SLC16A12: variants seen among roughly 807,000 people sequenced by gnomAD.
SLC16A12 encodes the protein monocarboxylate transporter 12.
SLC16A12 carries 17 observed loss-of-function variants against 42.4 expected under a neutral mutation model. The observed-to-expected ratio is 0.40, with a 90% confidence interval of 0.27 to 0.60. The LOEUF is 0.60. Ranked by LOEUF, SLC16A12 falls within the 20% of genes least tolerant of loss-of-function variation. SLC16A12 has a pLI of 0.42. For synonymous variants in SLC16A12, 224 were observed against 229.4 expected (o/e 0.98, Z 0.21); for missense variants, 544 against 623.0 (o/e 0.87, Z 1.35).
At chr10:89,522,310 T>G (rs111810572) in intron 2 of SLC16A12, among the ~76,000 whole-genome samples, 26 of 152,260 alleles carry the variant, frequency 1.7e-4, no homozygotes, top group African/African-American at 6.3e-4. Flanking sequence ...AGCCCTTGGG[T>G]CCTTTGCTGC....
In SLC16A12 at chr10:89,432,472, GA is replaced by G. The variant is rs11314848; in HGVS notation, c.*591del. 41,382 of 149,312 alleles carry G rather than the reference GA, an allele frequency of 0.28. 5,917 individuals are homozygous for G. Among genetic ancestry groups the G allele is most frequent in the African/African-American group, 0.33 (13,336 of 40,728 alleles). The allele number at this position is 149,312 out of a possible 1,614,324, so 9.2% of individuals were successfully genotyped here. ...GCAAGGGCTGGCTGGAAGACTAAGA[GA>G]AAAAAAAAATAAGAGTTTCTTTCTA... On this transcript the variant is annotated 3_prime_UTR_variant, in exon 8 of 8. Transcript: ENST00000371790.
chr10:89,532,378 C>T (rs1843569146), intron 2 of SLC16A12, among the ~76,000 whole-genome samples: 1 of 152,174 alleles, frequency 6.6e-6, no homozygotes, highest in African/African-American at 2.4e-5. Flanking sequence ...CACCTTCAAA[C>T]AGGACATTGT....
At chr10:89,503,872 G>A (rs1397363162) in intron 2 of SLC16A12, among the ~76,000 whole-genome samples, 3 of 152,212 alleles carry the variant, frequency 2.0e-5, no homozygotes, top group Non-Finnish European at 4.4e-5. Context: ...ATCACCAGAG[G>A]CTGGAAGTGA....
intron 2 of SLC16A12, among the ~76,000 whole-genome samples, chr10:89,513,883 T>C (rs1288861039): frequency 6.6e-6 from 1 of 152,084 alleles, no homozygotes. Context: ...GAGGCATATA[T>C]GGGAAAAAAG....
At chr10:89,448,715 C>T (rs1018885667) in intron 3 of SLC16A12, among the ~76,000 whole-genome samples, 2 of 152,168 alleles carry the variant, frequency 1.3e-5, no homozygotes, top group African/African-American at 4.8e-5. Context: ...GACGCCCTCT[C>T]TCACCACTCC....
intron 2 of SLC16A12, among the ~76,000 whole-genome samples, chr10:89,514,568 C>G (rs1443770450): frequency 6.6e-6 from 1 of 152,136 alleles, no homozygotes; most frequent in Non-Finnish European, 1.5e-5. Flanking sequence ...TGGGGAGAGA[C>G]AGATTTTTCT....
At chr10:89,445,167 A>C (rs1841979501) in intron 3 of SLC16A12, among the ~76,000 whole-genome samples, 1 of 152,250 alleles carries the variant, frequency 6.6e-6, no homozygotes, top group Non-Finnish European at 1.5e-5. Context: ...AGCTGAACAA[A>C]AGGGAGCAGA....
chr10:89,551,421 C>T (rs1246816908), intron 2 of SLC16A12, among the ~76,000 whole-genome samples: 3 of 152,046 alleles, frequency 2.0e-5, no homozygotes, highest in African/African-American at 7.2e-5. Context: ...CCAGCCTGGG[C>T]AATAGAGTGA....
intron 2 of SLC16A12, among the ~76,000 whole-genome samples, chr10:89,546,968 G>A (rs1843745442): frequency 6.6e-6 from 1 of 152,160 alleles, no homozygotes; most frequent in Non-Finnish European, 1.5e-5. Flanking sequence ...TCCCTCATAA[G>A]TGGAAGTTGA....
intron 2 of SLC16A12, among the ~76,000 whole-genome samples, chr10:89,525,443 A>C (rs1231966554): frequency 1.3e-5 from 2 of 152,194 alleles, no homozygotes; most frequent in Admixed American, 6.5e-5. Flanking sequence ...GGTTGTCTAA[A>C]TTTGATCTTT....
At chr10:89,472,500 T>TTTTTTTTTTTTTTTTTG (rs1397065490) in intron 2 of SLC16A12, among the ~76,000 whole-genome samples, 1 of 140,562 alleles carries the variant, frequency 7.1e-6, no homozygotes, top group Non-Finnish European at 1.6e-5. Flanking sequence ...TTTTTTTTTT[T>TTTTTTTTTTTTTTTTTG]TTTTTTTTTT....
intron 3 of SLC16A12, among the ~76,000 whole-genome samples, chr10:89,459,609 C>A (rs303163): frequency 0.55 from 83,186 of 151,282 alleles, 23,495 homozygotes; most frequent in African/African-American, 0.67. Context: ...AACAAACAAA[C>A]AAACTAGAAT....
chr10:89,544,799 C>G (rs1372915279), intron 2 of SLC16A12, among the ~76,000 whole-genome samples: 1 of 148,682 alleles, frequency 6.7e-6, no homozygotes, highest in African/African-American at 2.6e-5. Context: ...GTTTATGAAA[C>G]CAGGTCTGTC....
At chr10:89,531,222 T>C (rs1230436673) in intron 2 of SLC16A12, among the ~76,000 whole-genome samples, 1 of 148,512 alleles carries the variant, frequency 6.7e-6, no homozygotes, top group Non-Finnish European at 1.5e-5. Context: ...ATATCCTGTC[T>C]CTACTAAAAA....
chr10:89,465,744 T>C (rs1842383918), intron 2 of SLC16A12, among the ~76,000 whole-genome samples: 1 of 152,206 alleles, frequency 6.6e-6, no homozygotes, highest in Non-Finnish European at 1.5e-5. Context: ...GATTCAACTC[T>C]ATCTGCTCTT....
rs556889321 is a variant in SLC16A12, at chr10:89,434,124, T to C, written c.1289-798A>G. ...CCACTTCAGATCCATTCGTCAAAAA[T>C]AGCATGTAGAAGTTGTTATAAGCCC... On this transcript the variant is annotated intron_variant, in intron 7 of 7. Coordinates refer to ENST00000371790, the MANE Select transcript of SLC16A12 (RefSeq NM_213606.4). Among the ~76,000 whole-genome samples, 3 of 152,304 alleles carry C rather than the reference T, an allele frequency of 2.0e-5. No individual in the cohort carries two copies. In the South Asian group the frequency reaches 6.2e-4, roughly 32 times the overall value.
chr10:89,472,647 C>A (rs1326049241), intron 2 of SLC16A12, among the ~76,000 whole-genome samples: 1 of 151,636 alleles, frequency 6.6e-6, no homozygotes, highest in Non-Finnish European at 1.5e-5. Flanking sequence ...TGCCCACAAC[C>A]ATGCCCAGCT....
intron 2 of SLC16A12, among the ~76,000 whole-genome samples, chr10:89,501,576 C>A (rs1236628743): frequency 1.3e-5 from 2 of 152,038 alleles, no homozygotes; most frequent in Non-Finnish European, 2.9e-5. Context: ...CATGGCAAAA[C>A]CCCATCTATA....
intron 3 of SLC16A12, among the ~76,000 whole-genome samples, chr10:89,460,821 C>G (rs1713169075): frequency 6.6e-6 from 1 of 151,322 alleles, no homozygotes; most frequent in African/African-American, 2.4e-5. Flanking sequence ...ACCACACTGT[C>G]TTCCACAATG....
Sources: gnomAD v4.1 joint callset for allele counts (sites outside exome capture counted in the v4.1 genomes callset) on GRCh38, gnomAD v4.1.1 for gene constraint, MANE v1.5 for transcripts, NCBI Gene and HGNC (gene_info 2026-07-23, HGNC 2026-07-21) for gene names.